THSD4: variants seen among roughly 807,000 people sequenced by gnomAD.
THSD4 encodes the protein thrombospondin type 1 domain containing 4.
In THSD4, 69 loss-of-function variants were observed where a neutral mutation model predicts 119.0. The ratio of observed to expected loss-of-function variants is 0.58; its 90% CI spans 0.48 to 0.71. The LOEUF (loss-of-function observed/expected upper bound fraction) is 0.71, where lower values mean the gene tolerates loss of function less well. Among genes scored for constraint, THSD4 ranks in the 30% least tolerant of loss-of-function variants. THSD4 has a pLI of 0.00. For synonymous variants in THSD4, 524 were observed against 540.4 expected (o/e 0.97, Z 0.42); for missense variants, 1,393 against 1,391.1 (o/e 1.00, Z -0.02).
intron 17 of THSD4, among the ~76,000 whole-genome samples, chr15:71,772,201 C>A (rs1595936698): frequency 1.3e-5 from 2 of 152,262 alleles, no homozygotes; most frequent in East Asian, 3.9e-4. Context: ...GGGGTAGATT[C>A]CTCCTGCTGT....
intron 8 of THSD4, among the ~76,000 whole-genome samples, chr15:71,724,804 C>T (rs529512613): frequency 1.8e-4 from 28 of 151,576 alleles, no homozygotes; most frequent in Admixed American, 1.1e-3. Context: ...GATTTGATGA[C>T]GGGTTAGATT....
intron 6 of THSD4, among the ~76,000 whole-genome samples, chr15:71,290,872 T>C (rs1256075745): frequency 9.9e-6 from 1 of 100,624 alleles, no homozygotes; most frequent in East Asian, 2.3e-4. Context: ...GTTTCCTTTT[T>C]TCCTTTTTTT....
chr15:71,618,420 C>T lies in THSD4; in HGVS notation c.1153-42110C>T, dbSNP rs537485612. Among the ~76,000 whole-genome samples, 6 of 152,196 alleles carry T rather than the reference C, an allele frequency of 3.9e-5. No homozygotes were observed. The East Asian group carries it at 9.7e-4, about 24-fold the overall frequency. ...TGGATAGATCTCAAAAACAACAGAG[C>T]GCAGAAAGCAAGCTACTAAAGTTAT... On this transcript the variant is annotated intron_variant, in intron 7 of 17. Transcript: ENST00000261862.
At chr15:71,692,510 C>A (rs879411720) in intron 8 of THSD4, among the ~76,000 whole-genome samples, 4 of 152,144 alleles carry the variant, frequency 2.6e-5, no homozygotes, top group Non-Finnish European at 5.9e-5. Flanking sequence ...GAAGATTTAG[C>A]TCTGCAGTGT....
At chr15:71,120,184 G>A (rs1452807135) in intron 1 of THSD4, among the ~76,000 whole-genome samples, 1 of 152,166 alleles carries the variant, frequency 6.6e-6, no homozygotes, top group African/African-American at 2.4e-5. Flanking sequence ...CCAGCTGCGC[G>A]GTGATAGTAA....
rs537162482 is a variant in THSD4, at chr15:71,221,462, T to C, written c.464+6063T>C. On this transcript the variant is annotated intron_variant, in intron 4 of 17. Coordinates refer to ENST00000261862, the MANE Select transcript of THSD4 (RefSeq NM_024817.3). ...TCCTTCCTTCCCCCACCGCAGCCCT[T>C]AGCCAACCACCATTCTACTTTCTTC... Among the ~76,000 whole-genome samples the C allele has an allele frequency of 6.6e-5, 10 of 152,300 alleles. 1 individual carries two copies. The South Asian group carries it at 2.1e-3, about 32-fold the overall frequency.
At chr15:71,247,455 G>C (rs1263669607) in intron 5 of THSD4, among the ~76,000 whole-genome samples, 1 of 152,182 alleles carries the variant, frequency 6.6e-6, no homozygotes, top group African/African-American at 2.4e-5. Flanking sequence ...TCATAAAAAG[G>C]CATTAACAGT....
intron 10 of THSD4, among the ~76,000 whole-genome samples, chr15:71,734,975 G>C (rs1313028774): frequency 6.6e-6 from 1 of 152,006 alleles, no homozygotes; most frequent in Non-Finnish European, 1.5e-5. Context: ...AGATGTGCAA[G>C]GAATATTGCA....
intron 1 of THSD4, among the ~76,000 whole-genome samples, chr15:71,130,818 C>T (rs1303215028): frequency 1.3e-5 from 2 of 152,190 alleles, no homozygotes; most frequent in African/African-American, 4.8e-5. Context: ...AATCTCAGCT[C>T]GCTGCAAGCT....
At chr15:71,155,137 A>T (rs551391097) in intron 3 of THSD4, among the ~76,000 whole-genome samples, 77 of 152,340 alleles carry the variant, frequency 5.1e-4, no homozygotes, top group African/African-American at 1.8e-3. Flanking sequence ...AAGAGGTTTT[A>T]TTGGCCCACA....
chr15:71,755,706 C>CAAAAAAA (rs10555546), intron 14 of THSD4, among the ~76,000 whole-genome samples: 20 of 50,280 alleles, frequency 4.0e-4, no homozygotes, highest in African/African-American at 5.5e-4. Flanking sequence ...TCAGCAAAGA[C>CAAAAAAA]AAAAAAAAAA....
Position 71,779,339 on chromosome 15 carries a change from C to T in THSD4, c.*1965C>T, listed in dbSNP as rs1476888892. The T allele has an allele frequency of 2.6e-5, 4 of 152,284 alleles. No individual in the cohort carries two copies. The highest frequency in any genetic ancestry group is 9.6e-5 in the African/African-American group (4 of 41,464). 9.4% of individuals were successfully genotyped at this position (152,284 alleles called of 1,614,324 possible). On this transcript the variant is annotated 3_prime_UTR_variant, in exon 18 of 18. Coordinates refer to ENST00000261862, the MANE Select transcript of THSD4 (RefSeq NM_024817.3). ...TGACTGGTGCTGTTCAGGGCCTGCT[C>T]TTTTCCACTCACCACTTGTTTTGCT... is the stretch of plus-strand genomic sequence containing the variant.
chr15:71,461,328 G>A (rs1044199420), intron 7 of THSD4, among the ~76,000 whole-genome samples: 7 of 152,192 alleles, frequency 4.6e-5, no homozygotes, highest in African/African-American at 1.7e-4. Flanking sequence ...AAGAAAGTGC[G>A]AGGTAGAAGC....
chr15:71,538,287 G>T, intron 7 of THSD4, among the ~76,000 whole-genome samples: 1 of 152,056 alleles, frequency 6.6e-6, no homozygotes, highest in African/African-American at 2.4e-5. Context: ...TTTTGTCATT[G>T]ATATAAATTA....
At chr15:71,230,343 T>G (rs989486756) in intron 4 of THSD4, among the ~76,000 whole-genome samples, 2 of 152,226 alleles carry the variant, frequency 1.3e-5, no homozygotes, top group African/African-American at 2.4e-5. Flanking sequence ...TGTTCTTTCA[T>G]GCAAAGCCGC....
At chr15:71,292,897 T>C (rs1051810462) in intron 6 of THSD4, among the ~76,000 whole-genome samples, 3 of 152,286 alleles carry the variant, frequency 2.0e-5, no homozygotes, top group Admixed American at 6.5e-5. Context: ...AGGATGGTCT[T>C]GATCTCCTGA....
intron 7 of THSD4, among the ~76,000 whole-genome samples, chr15:71,514,324 G>A (rs776463659): frequency 1.3e-5 from 2 of 152,214 alleles, no homozygotes; most frequent in Non-Finnish European, 2.9e-5. Context: ...GCCACCTGCA[G>A]AAGTAATTAG....
intron 7 of THSD4, among the ~76,000 whole-genome samples, chr15:71,453,272 T>C (rs1247430237): frequency 6.6e-6 from 1 of 152,176 alleles, no homozygotes; most frequent in African/African-American, 2.4e-5. Flanking sequence ...TCCTCTTCTC[T>C]ACAATGTAGC....
At chr15:71,574,761 T>G (rs981379728) in intron 7 of THSD4, among the ~76,000 whole-genome samples, 4 of 152,254 alleles carry the variant, frequency 2.6e-5, no homozygotes, top group Admixed American at 6.5e-5. Flanking sequence ...CGTGATCATC[T>G]CTTCACAGGA....
Sources: gnomAD v4.1 joint callset for allele counts (sites outside exome capture counted in the v4.1 genomes callset) on GRCh38, gnomAD v4.1.1 for gene constraint, MANE v1.5 for transcripts, NCBI Gene and HGNC (gene_info 2026-07-23, HGNC 2026-07-21) for gene names.